The following DPP10 variants were observed in gnomAD, a reference collection of about 807,000 sequenced individuals.
DPP10 encodes inactive dipeptidyl peptidase 10.
In DPP10, 33 loss-of-function variants were observed where a neutral mutation model predicts 120.9. The ratio of observed to expected loss-of-function variants is 0.27; its 90% confidence interval spans 0.21 to 0.37. The LOEUF (loss-of-function observed/expected upper bound fraction) is 0.37. DPP10 is among the 10% of genes least tolerant of loss of function. DPP10 has a pLI of 1.00. For synonymous variants in DPP10, 337 were observed against 326.1 expected (o/e 1.03, Z -0.36); for missense variants, 816 against 942.8 (o/e 0.87, Z 1.76).
intron 1 of DPP10, among the ~76,000 whole-genome samples, chr2:114,853,889 T>C (rs1292574463): frequency 3.3e-5 from 5 of 152,158 alleles, no homozygotes; most frequent in African/African-American, 1.2e-4. Context: ...GCGAGCAGAT[T>C]TCCCAGCCCA....
chr2:115,665,776 A>G (rs1014456767), intron 5 of DPP10, among the ~76,000 whole-genome samples: 1 of 152,104 alleles, frequency 6.6e-6, no homozygotes. Flanking sequence ...CCACTAACCT[A>G]TCTTCAAGCT....
intron 1 of DPP10, among the ~76,000 whole-genome samples, chr2:115,227,140 C>T: frequency 6.6e-6 from 1 of 152,096 alleles, no homozygotes; most frequent in East Asian, 1.9e-4. Context: ...GACCAATCTT[C>T]TCAAGATTTG....
chr2:115,484,962 T>G (rs1370894253), intron 3 of DPP10, among the ~76,000 whole-genome samples: 1 of 152,040 alleles, frequency 6.6e-6, no homozygotes, highest in South Asian at 2.1e-4. Flanking sequence ...TCCCAGCTAC[T>G]TGGGAGGCTG....
chr2:115,727,916 T>C lies in DPP10; in HGVS notation c.677T>C (p.Ile226Thr), dbSNP rs1317187023. Reference sequence around the variant, plus strand: ...AAAGAAGAAATAATTTTTAATGGGATTGCTGACTGGTTATATGAAGGTGAG... The same window carrying C: ...AAAGAAGAAATAATTTTTAATGGGACTGCTGACTGGTTATATGAAGGTGAG... ...SGKEEIIFNG[I>T]ADWLYEEELL... Residue 226 changes from isoleucine to threonine, a missense_variant, in exon 8 of 26, where the codon ATT (isoleucine) becomes ACT (threonine). By Grantham distance (89) the Ile-to-Thr change is moderately conservative. This residue lies in a region of DPP10 where 42 missense variants were observed against 86.4 expected (regional missense o/e 0.49). Coordinates refer to ENST00000410059, the MANE Select transcript of DPP10 (RefSeq NM_020868.6). The C allele has an allele frequency of 6.2e-7, 1 of 1,607,272 alleles. No homozygotes were observed.
intron 1 of DPP10, among the ~76,000 whole-genome samples, chr2:115,294,255 AGTAG>A (rs1278506167): frequency 1.3e-5 from 2 of 152,082 alleles, no homozygotes; most frequent in Non-Finnish European, 2.9e-5. Context: ...GCATTTAACT[AGTAG>A]GTTGACCTAG....
intron 11 of DPP10, among the ~76,000 whole-genome samples, chr2:115,759,502 C>CA (rs1369193294): frequency 6.6e-6 from 1 of 150,938 alleles, no homozygotes; most frequent in Non-Finnish European, 1.5e-5. Flanking sequence ...ACTAAAATAA[C>CA]AAAAAACTGA....
intron 1 of DPP10, among the ~76,000 whole-genome samples, chr2:114,926,158 A>AT (rs533407433): frequency 4.9e-4 from 74 of 152,064 alleles, no homozygotes; most frequent in South Asian, 4.1e-3. Context: ...TTTGTTGCCC[A>AT]TTTTTTTTAT....
chr2:115,674,609 G>T (rs991168252), intron 5 of DPP10, among the ~76,000 whole-genome samples: 6 of 152,114 alleles, frequency 3.9e-5, no homozygotes, highest in African/African-American at 1.4e-4. Context: ...TGAGCTTCAG[G>T]ACTGAAGACT....
chr2:115,245,984 A>T (rs1042804021), intron 1 of DPP10, among the ~76,000 whole-genome samples: 1 of 152,140 alleles, frequency 6.6e-6, no homozygotes, highest in South Asian at 2.1e-4. Flanking sequence ...AACATATTCA[A>T]TGAGCTCCAA....
intron 5 of DPP10, among the ~76,000 whole-genome samples, chr2:115,543,473 G>A (rs1341594814): frequency 6.6e-6 from 1 of 151,914 alleles, no homozygotes; most frequent in Non-Finnish European, 1.5e-5. Flanking sequence ...TAAACTTGCA[G>A]GTAAACACAC....
At chr2:114,978,004 C>G (rs1699858612) in intron 1 of DPP10, among the ~76,000 whole-genome samples, 1 of 152,016 alleles carries the variant, frequency 6.6e-6, no homozygotes, top group Admixed American at 6.6e-5. Flanking sequence ...AATGCAAAAT[C>G]ATCTGATCTC....
intron 10 of DPP10, among the ~76,000 whole-genome samples, chr2:115,752,473 A>G (rs1678868812): frequency 6.6e-6 from 1 of 152,214 alleles, no homozygotes; most frequent in African/African-American, 2.4e-5. Flanking sequence ...CCAAGAATTT[A>G]ATAGACTCCC....
intron 1 of DPP10, among the ~76,000 whole-genome samples, chr2:115,015,922 G>T (rs1702601111): frequency 6.6e-6 from 1 of 152,120 alleles, no homozygotes; most frequent in Non-Finnish European, 1.5e-5. Context: ...TGGCCATACT[G>T]CCCAAAGTAA....
chr2:114,793,300 C>T (rs562647725), intron 1 of DPP10, among the ~76,000 whole-genome samples: 1 of 152,142 alleles, frequency 6.6e-6, no homozygotes, highest in African/African-American at 2.4e-5. Context: ...CTCCTCTAGT[C>T]CCCCACCCCC....
intron 1 of DPP10, among the ~76,000 whole-genome samples, chr2:114,455,036 T>C (rs1462710353): frequency 6.6e-6 from 1 of 152,204 alleles, no homozygotes; most frequent in Non-Finnish European, 1.5e-5. Flanking sequence ...TATTCTTTCA[T>C]AGTATTAATG....
intron 24 of DPP10, among the ~76,000 whole-genome samples, chr2:115,838,968 T>C (rs1689811508): frequency 6.6e-6 from 1 of 152,190 alleles, no homozygotes; most frequent in Admixed American, 6.5e-5. Flanking sequence ...CCCTTTTAGC[T>C]ATAGTAAACA....
At chr2:115,624,994 T>G (rs1209534029) in intron 5 of DPP10, among the ~76,000 whole-genome samples, 1 of 151,682 alleles carries the variant, frequency 6.6e-6, no homozygotes, top group Non-Finnish European at 1.5e-5. Flanking sequence ...CTGGGTTTAT[T>G]AAAGGTTAGT....
chr2:115,335,135 A>G (rs912317566), intron 2 of DPP10, among the ~76,000 whole-genome samples: 4 of 151,894 alleles, frequency 2.6e-5, no homozygotes, highest in Non-Finnish European at 4.4e-5. Flanking sequence ...GGAAACTGCC[A>G]TTTTTAAAAC....
At chr2:114,623,430 G>A (rs907802659) in intron 1 of DPP10, among the ~76,000 whole-genome samples, 1 of 152,020 alleles carries the variant, frequency 6.6e-6, no homozygotes, top group Non-Finnish European at 1.5e-5. Flanking sequence ...AATAAAACTA[G>A]CAAACACATT....
Sources: gnomAD v4.1 joint callset for allele counts (sites outside exome capture counted in the v4.1 genomes callset) on GRCh38, gnomAD v4.1.1 for gene constraint, gnomAD v4.1.1 regional missense constraint, MANE v1.5 for transcripts, NCBI Gene and HGNC (gene_info 2026-07-23, HGNC 2026-07-21) for gene names.